Variants in SGCD observed in about 807,000 individuals in gnomAD.
The protein encoded by SGCD is sarcoglycan delta, also known as delta-sarcoglycan.
A neutral mutation model predicts 36.6 loss-of-function variants in SGCD; 18 were observed. The observed-to-expected ratio is 0.49, with a 90% CI of 0.34 to 0.73. SGCD has a LOEUF of 0.73. Among genes scored for constraint, SGCD ranks in the 30% least tolerant of loss-of-function variants. SGCD has a pLI of 0.01. For synonymous variants in SGCD, 133 were observed against 130.6 expected (o/e 1.02, Z -0.12); for missense variants, 387 against 346.7 (o/e 1.12, Z -0.92).
intron 3 of SGCD, among the ~76,000 whole-genome samples, chr5:156,263,510 A>C (rs1169630246): frequency 6.6e-6 from 1 of 152,010 alleles, no homozygotes; most frequent in Non-Finnish European, 1.5e-5. Context: ...TGTCGAATGC[A>C]TAGGTTGTGA....
intron 8 of SGCD, among the ~76,000 whole-genome samples, 170 bp from the exon 9 acceptor site, chr5:156,759,047 G>T (rs1486748579): frequency 6.6e-6 from 1 of 152,206 alleles, no homozygotes; most frequent in Non-Finnish European, 1.5e-5. Context: ...TGTGAAGGTA[G>T]AGACTTTCCA....
the SGCD span, among the ~76,000 whole-genome samples, chr5:155,833,070 A>AGAAAGAAAAAAAATTAGCC: frequency 6.7e-6 from 1 of 149,472 alleles, no homozygotes; most frequent in Non-Finnish European, 1.5e-5. Flanking sequence ...AAAAAAAAAA[A>AGAAAGAAAAAAAATTAGCC]AGAAAAAAAA....
chr5:156,276,831 G>A (rs904362605), intron 3 of SGCD, among the ~76,000 whole-genome samples: 1 of 152,084 alleles, frequency 6.6e-6, no homozygotes, highest in African/African-American at 2.4e-5. Context: ...TATTGATATA[G>A]TAATAATCCA....
At chr5:156,189,323 G>A (rs966863383) in intron 3 of SGCD, among the ~76,000 whole-genome samples, 1 of 152,086 alleles carries the variant, frequency 6.6e-6, no homozygotes, top group African/African-American at 2.4e-5. Flanking sequence ...ATGGTAAAAT[G>A]TCACTGAAAT....
At chr5:156,334,182 T>A (rs968055093) in intron 2 of SGCD, among the ~76,000 whole-genome samples, 1 of 152,160 alleles carries the variant, frequency 6.6e-6, no homozygotes, top group African/African-American at 2.4e-5. Context: ...TGACTCCTAT[T>A]GTCATTATCT....
At chr5:156,060,444 A>G (rs1760175545) in intron 1 of SGCD, among the ~76,000 whole-genome samples, 1 of 146,526 alleles carries the variant, frequency 6.8e-6, no homozygotes, top group African/African-American at 2.5e-5. Flanking sequence ...CTAGCCCAAA[A>G]CAAGATAGTA....
chr5:156,591,444 CT>C, intron 5 of SGCD, among the ~76,000 whole-genome samples: 1 of 152,268 alleles, frequency 6.6e-6, no homozygotes, highest in South Asian at 2.1e-4. Flanking sequence ...AGTAGTGGGT[CT>C]GAATGGGGAA....
the SGCD span, among the ~76,000 whole-genome samples, chr5:155,806,862 A>T: frequency 6.6e-6 from 1 of 152,218 alleles, no homozygotes; most frequent in Non-Finnish European, 1.5e-5. Flanking sequence ...AATTTGTTAA[A>T]GTACTGTAAA....
intron 1 of SGCD, among the ~76,000 whole-genome samples, chr5:155,873,601 C>A (rs1406170838): frequency 6.6e-6 from 1 of 152,176 alleles, no homozygotes; most frequent in Non-Finnish European, 1.5e-5. Flanking sequence ...GTGATGGCTG[C>A]ACTCAAAGCC....
intron 3 of SGCD, among the ~76,000 whole-genome samples, chr5:156,461,395 G>T (rs1388187532): frequency 1.3e-5 from 2 of 151,866 alleles, no homozygotes; most frequent in Non-Finnish European, 2.9e-5. Context: ...CAGAAATTCT[G>T]GAAGAAAGAA....
intron 3 of SGCD, among the ~76,000 whole-genome samples, chr5:156,467,787 A>G (rs1754779477): frequency 6.6e-6 from 1 of 152,254 alleles, no homozygotes; most frequent in Non-Finnish European, 1.5e-5. Context: ...GCATGAGCCC[A>G]TATATTAAAG....
chr5:155,829,269 T>C, the SGCD span, among the ~76,000 whole-genome samples: 144 of 152,258 alleles, frequency 9.5e-4, no homozygotes, highest in African/African-American at 3.3e-3. Flanking sequence ...GGCATTCATG[T>C]CTTCATGAGC....
At chr5:155,896,777 A>G (rs776916041) in intron 1 of SGCD, among the ~76,000 whole-genome samples, 3 of 152,200 alleles carry the variant, frequency 2.0e-5, no homozygotes, top group Non-Finnish European at 4.4e-5. Flanking sequence ...AAGGATCACC[A>G]TACTGTTTGC....
chr5:156,268,002 CG>C (rs1554088681), intron 3 of SGCD, among the ~76,000 whole-genome samples: 5 of 152,166 alleles, frequency 3.3e-5, no homozygotes, highest in Non-Finnish European at 1.5e-5. Context: ...TCCACCCTCA[CG>C]TAGACCCCAG....
chr5:156,630,325 T>TTGGA (rs1031954355), intron 6 of SGCD, among the ~76,000 whole-genome samples: 4 of 152,070 alleles, frequency 2.6e-5, no homozygotes, highest in Non-Finnish European at 5.9e-5. Context: ...CAATAAATGT[T>TTGGA]TGGATGGATG....
intron 1 of SGCD, among the ~76,000 whole-genome samples, chr5:155,974,588 G>A (rs138363235): frequency 4.6e-4 from 69 of 151,172 alleles, no homozygotes; most frequent in African/African-American, 1.7e-3. Context: ...TCTGGGGCCA[G>A]TAGTACTGCT....
chr5:156,686,020 A>G (rs1753892419), intron 7 of SGCD, among the ~76,000 whole-genome samples: 1 of 152,188 alleles, frequency 6.6e-6, no homozygotes, highest in South Asian at 2.1e-4. Context: ...ATACCTCTGA[A>G]CCTAAAATAA....
chr5:156,154,759 A>G (rs986831576), intron 3 of SGCD, among the ~76,000 whole-genome samples: 3 of 151,564 alleles, frequency 2.0e-5, no homozygotes, highest in Admixed American at 1.3e-4. Flanking sequence ...GTGCTTGACT[A>G]CTCAACCTTG....
At chr5:155,752,440 T>G in the SGCD span, among the ~76,000 whole-genome samples, 1 of 152,170 alleles carries the variant, frequency 6.6e-6, no homozygotes, top group East Asian at 1.9e-4. Context: ...TACCATCCTC[T>G]TTCCCTTGGT....
Sources: allele counts gnomAD v4.1 joint callset (sites outside exome capture counted in the v4.1 genomes callset), GRCh38; gene constraint gnomAD v4.1.1; transcripts MANE v1.5; gene names NCBI Gene and HGNC (gene_info 2026-07-23, HGNC 2026-07-21).